FAM13C: variants seen among roughly 807,000 people sequenced by gnomAD.
FAM13C encodes the protein protein FAM13C.
In FAM13C, 37 loss-of-function variants were observed where a neutral mutation model predicts 73.2. The ratio of observed to expected loss-of-function variants is 0.51; its 90% CI spans 0.39 to 0.67. FAM13C has a LOEUF of 0.67. FAM13C is among the 30% of genes least tolerant of loss of function. The probability of loss-of-function intolerance (pLI) is 0.00; values close to 1 mark genes in which losing one functional copy is unlikely to be tolerated. For synonymous variants in FAM13C, 246 were observed against 260.9 expected (o/e 0.94, Z 0.55); for missense variants, 589 against 715.6 (o/e 0.82, Z 2.02).
chr10:59,265,969 T>C (rs1290035334), intron 8 of FAM13C, among the ~76,000 whole-genome samples: 1 of 152,180 alleles, frequency 6.6e-6, no homozygotes, highest in African/African-American at 2.4e-5. Context: ...TTTTGTTCAA[T>C]GCAATTAAAA....
intron 12 of FAM13C, 59 bp downstream of exon 12, chr10:59,252,740 T>C (rs1334589787): frequency 6.5e-7 from 1 of 1,544,806 alleles, no homozygotes; most frequent in East Asian, 2.2e-5. Context: ...CTACTTCATA[T>C]ACTGGTATCA....
At chr10:59,346,955 C>T (rs1271505204) in intron 3 of FAM13C, among the ~76,000 whole-genome samples, 2 of 152,178 alleles carry the variant, frequency 1.3e-5, no homozygotes, top group African/African-American at 4.8e-5. Flanking sequence ...ACCAACTCAA[C>T]ATCTCCTAAC....
chr10:59,294,149 C>G (rs1162382584), intron 5 of FAM13C, among the ~76,000 whole-genome samples: 2 of 152,202 alleles, frequency 1.3e-5, no homozygotes, highest in Non-Finnish European at 2.9e-5. Flanking sequence ...ATTCATTGCT[C>G]TTACGTTTAT....
At chr10:59,352,221 C>G (rs765628128) in intron 3 of FAM13C, 49 bp downstream of exon 3, 1 of 1,604,438 alleles carries the variant, frequency 6.2e-7, no homozygotes, top group Non-Finnish European at 8.5e-7. Context: ...TGTGGCCTAG[C>G]CTAAGAATCA....
chr10:59,315,251 T>C (rs532883188), intron 4 of FAM13C, among the ~76,000 whole-genome samples: 24 of 152,278 alleles, frequency 1.6e-4, no homozygotes, highest in Non-Finnish European at 3.1e-4. Context: ...CCCCCCAAAA[T>C]TACCACCACT....
At position 59,260,261 on chromosome 10, in the gene FAM13C, G is replaced by A. The variant is rs374116387; in HGVS notation, c.1236+2173C>T. On this transcript the variant is annotated intron_variant, in intron 10 of 13. Coordinates refer to ENST00000618804, the MANE Select transcript of FAM13C (RefSeq NM_198215.4). ...GTATCCTCCACTTAGCAATCAGACG[G>A]ATCTGTTAAATGTAATCACGTCATG... 1.9e-4 allele frequency among the ~76,000 whole-genome samples: 29 copies of A among 152,168 alleles called. No homozygotes were observed. In the South Asian group the frequency reaches 6.0e-3, roughly 32 times the overall value.
chr10:59,278,896 T>G (rs1030583123), intron 6 of FAM13C, among the ~76,000 whole-genome samples: 17 of 152,254 alleles, frequency 1.1e-4, no homozygotes, highest in African/African-American at 4.1e-4. Context: ...ATTTGGAAAT[T>G]CTGTGCACTT....
At chr10:59,340,671 A>G (rs1445961742) in intron 3 of FAM13C, among the ~76,000 whole-genome samples, 2 of 152,038 alleles carry the variant, frequency 1.3e-5, no homozygotes, top group Admixed American at 6.6e-5. Flanking sequence ...GATGCTTCAC[A>G]TAAAGTAGAA....
rs747444856 is a variant in FAM13C at position 59,262,586 on chromosome 10, G to C, written c.1084C>G (p.Leu362Val). 3.7e-6 allele frequency: 6 copies of C among 1,613,668 alleles called. No individual in the cohort carries two copies. Among genetic ancestry groups the C allele is most frequent in the African/African-American group, 1.3e-5 (1 of 74,904 alleles). ...GGGACTGTGGGTTGCTCACACAACA[G>C]GTTTCTAGGTGGACCTTTGGGAGCA... ...GSAPKGPPRN[L>V]LCEQPTVPRE... is the part of the protein sequence containing the mutation. Residue 362 changes from leucine to valine, a missense_variant, in exon 10 of 14, where the codon CTG (leucine) becomes GTG (valine). Leu to Val is a conservative substitution (Grantham distance 32). Coordinates refer to ENST00000618804, the MANE Select transcript of FAM13C (RefSeq NM_198215.4).
At chr10:59,248,324 G>C (rs1343548115) in intron 13 of FAM13C, among the ~76,000 whole-genome samples, 1 of 152,158 alleles carries the variant, frequency 6.6e-6, no homozygotes, top group Non-Finnish European at 1.5e-5. Flanking sequence ...TAATTGACAA[G>C]AGTCTAAATT....
chr10:59,264,053 G>C, intron 9 of FAM13C, 32 bp downstream of exon 9: 1 of 1,593,624 alleles, frequency 6.3e-7, no homozygotes, highest in Non-Finnish European at 8.6e-7. Context: ...TGCTTCCTTT[G>C]TGAGGAAAAA....
At chr10:59,348,834 C>G (rs61563524) in intron 3 of FAM13C, among the ~76,000 whole-genome samples, 1 of 152,270 alleles carries the variant, frequency 6.6e-6, no homozygotes, top group Non-Finnish European at 1.5e-5. Context: ...TGGGGCTTCA[C>G]TATGTTGGCC....
At chr10:59,313,262 A>G (rs1849150108) in intron 4 of FAM13C, among the ~76,000 whole-genome samples, 1 of 152,206 alleles carries the variant, frequency 6.6e-6, no homozygotes, top group South Asian at 2.1e-4. Flanking sequence ...TTTTTAAGCT[A>G]AGCAATAGCC....
intron 5 of FAM13C, among the ~76,000 whole-genome samples, chr10:59,294,484 G>A (rs1157961654): frequency 6.6e-6 from 1 of 152,130 alleles, no homozygotes; most frequent in Non-Finnish European, 1.5e-5. Flanking sequence ...GCAGTTCCCA[G>A]ACAAGGAAAA....
chr10:59,328,192 G>C (rs956221459), intron 3 of FAM13C, among the ~76,000 whole-genome samples: 1 of 152,204 alleles, frequency 6.6e-6, no homozygotes, highest in African/African-American at 2.4e-5. Context: ...AGCTGTCCAT[G>C]AAGCAAACAT....
At chr10:59,286,470 G>A (rs112237774) in intron 5 of FAM13C, among the ~76,000 whole-genome samples, 2,943 of 147,328 alleles carry the variant, frequency 0.02, 109 homozygotes, top group African/African-American at 0.07. Flanking sequence ...AGCTGAGATT[G>A]TACCACTGCA....
At chr10:59,347,659 T>C (rs1270406024) in intron 3 of FAM13C, among the ~76,000 whole-genome samples, 1 of 152,108 alleles carries the variant, frequency 6.6e-6, no homozygotes, top group Non-Finnish European at 1.5e-5. Flanking sequence ...GTATTTCTCC[T>C]AATGTTATCC....
intron 1 of FAM13C, among the ~76,000 whole-genome samples, chr10:59,357,266 C>T (rs1339289138): frequency 6.6e-6 from 1 of 152,200 alleles, no homozygotes; most frequent in East Asian, 1.9e-4. Context: ...CCTACTTTAA[C>T]CTTAATTCAT....
rs1463351373 is a variant in FAM13C at position 59,246,824 on chromosome 10, A to C, written c.*790T>G. ...TATAGTAAACCAAAAGATTAGCAAT[A>C]ATACTATGGACACATTAGATTATAT... On this transcript the variant is annotated 3_prime_UTR_variant, in exon 14 of 14. Coordinates refer to ENST00000618804, the MANE Select transcript of FAM13C (RefSeq NM_198215.4). 5.2e-6 allele frequency: 2 copies of C among 387,432 alleles called. No individual in the cohort carries two copies. Among genetic ancestry groups the C allele is most frequent in the Admixed American group, 8.9e-5 (2 of 22,510 alleles). The allele number at this position is 387,432 out of a possible 1,614,324, so 24.0% of individuals were successfully genotyped here. A position where few individuals can be genotyped will look rare whatever the true frequency, so the allele number is the denominator to read the frequency against.
Sources: allele counts gnomAD v4.1 joint callset (sites outside exome capture counted in the v4.1 genomes callset), GRCh38; gene constraint gnomAD v4.1.1; transcripts MANE v1.5; gene names NCBI Gene and HGNC (gene_info 2026-07-23, HGNC 2026-07-21).